Variants in PLCB1 observed in about 807,000 individuals in gnomAD.
PLCB1 encodes 1-phosphatidylinositol 4,5-bisphosphate phosphodiesterase beta-1.
Under a neutral mutation model 161.8 loss-of-function variants are expected in PLCB1, and 46 were observed. The ratio of observed to expected loss-of-function variants is 0.28; its 90% confidence interval spans 0.22 to 0.36. The LOEUF (loss-of-function observed/expected upper bound fraction) is 0.36, where lower values mean the gene tolerates loss of function less well. PLCB1 is among the 10% of genes least tolerant of loss of function. The pLI, the probability that PLCB1 is intolerant of heterozygous loss-of-function variation, is 1.00. For synonymous variants in PLCB1, 517 were observed against 503.7 expected (o/e 1.03, Z -0.35); for missense variants, 1,016 against 1,472.5 (o/e 0.69, Z 5.07).
chr20:8,197,059 T>A (rs980383252), intron 2 of PLCB1, among the ~76,000 whole-genome samples: 28 of 152,138 alleles, frequency 1.8e-4, no homozygotes, highest in African/African-American at 3.6e-4. Context: ...TTCTTAATCC[T>A]GTCTATCATT....
intron 3 of PLCB1, among the ~76,000 whole-genome samples, chr20:8,617,864 A>G (rs968349142): frequency 6.6e-6 from 1 of 152,206 alleles, no homozygotes; most frequent in Non-Finnish European, 1.5e-5. Context: ...TTAATCCCAT[A>G]TCATATACTG....
At chr20:8,667,873 C>A (rs1989851457) in intron 9 of PLCB1, among the ~76,000 whole-genome samples, 1 of 152,042 alleles carries the variant, frequency 6.6e-6, no homozygotes, top group African/African-American at 2.4e-5. Context: ...CTTCTTTCCC[C>A]CTAGATGTGA....
chr20:8,727,279 C>CT, intron 16 of PLCB1, 30 bp from the exon 17 acceptor site: 4 of 1,116,990 alleles, frequency 3.6e-6, no homozygotes, highest in Admixed American at 1.9e-5. Context: ...CTCACCTTCC[C>CT]CTTTTTTGTT....
At chr20:8,547,365 A>G (rs1985591919) in intron 3 of PLCB1, among the ~76,000 whole-genome samples, 1 of 152,186 alleles carries the variant, frequency 6.6e-6, no homozygotes. Context: ...TGGATCAGAT[A>G]GTTATTCCTC....
intron 3 of PLCB1, among the ~76,000 whole-genome samples, chr20:8,618,641 T>C (rs8126112): frequency 0.094 from 14,254 of 152,232 alleles, 792 homozygotes; most frequent in Middle Eastern, 0.14. Flanking sequence ...GTCTTAGAGA[T>C]GACAACTTTG....
At position 8,884,446 on chromosome 20, in the gene PLCB1, G is replaced by C. The variant is rs545984609; in HGVS notation, c.*2597G>C. 6.6e-6 allele frequency: 1 copy of C among 152,644 alleles called. No individual in the cohort carries two copies. The highest frequency in any genetic ancestry group is 2.4e-5 in the African/African-American group (1 of 41,534). 9.5% of individuals were successfully genotyped at this position (152,644 alleles called of 1,614,324 possible). Reference sequence around the variant, plus strand: ...TGATACCTTTACACTACTGAGAATAGCATGGTTTTGGCCATGTAAACCAAT... The same window carrying C: ...TGATACCTTTACACTACTGAGAATACCATGGTTTTGGCCATGTAAACCAAT... On this transcript the variant is annotated 3_prime_UTR_variant, in exon 32 of 32. Coordinates refer to ENST00000338037, the MANE Select transcript of PLCB1 (RefSeq NM_015192.4).
intron 3 of PLCB1, among the ~76,000 whole-genome samples, chr20:8,604,392 C>T (rs1330095673): frequency 1.3e-5 from 2 of 148,956 alleles, no homozygotes; most frequent in Admixed American, 6.7e-5. Context: ...GCAAATTAAA[C>T]AATTTCCAAT....
Position 8,854,213 on chromosome 20 carries a change from A to T in PLCB1, c.3424-27409A>T, listed in dbSNP as rs541416428. Among the ~76,000 whole-genome samples, 5 of 152,254 alleles carry T rather than the reference A, an allele frequency of 3.3e-5. No homozygotes were observed. In the South Asian group the frequency reaches 1.0e-3, roughly 32 times the overall value. ...TCAATTGCACAGTCCTCAGTTGCTG[A>T]AACTACCACCCAACAGGGTGGGACT... On this transcript the variant is annotated intron_variant, in intron 31 of 31. Transcript: ENST00000338037.
chr20:8,380,753 G>T (rs1003944747), intron 3 of PLCB1, among the ~76,000 whole-genome samples: 1 of 152,024 alleles, frequency 6.6e-6, no homozygotes, highest in Non-Finnish European at 1.5e-5. Flanking sequence ...CTTGTCTATT[G>T]TTGGTGTAAA....
chr20:8,876,303 A>G (rs1478621326), intron 31 of PLCB1, among the ~76,000 whole-genome samples: 7 of 152,178 alleles, frequency 4.6e-5, no homozygotes, highest in Non-Finnish European at 8.8e-5. Flanking sequence ...TTCATTTTCC[A>G]AAAAGAGGTC....
chr20:8,514,805 T>C (rs1451618116), intron 3 of PLCB1, among the ~76,000 whole-genome samples: 1 of 152,206 alleles, frequency 6.6e-6, no homozygotes, highest in Non-Finnish European at 1.5e-5. Flanking sequence ...TTTTGGTTCA[T>C]GTAAAGTAAT....
chr20:8,288,969 C>T (rs776743348), intron 2 of PLCB1, among the ~76,000 whole-genome samples: 10 of 152,022 alleles, frequency 6.6e-5, no homozygotes, highest in Non-Finnish European at 1.0e-4. Flanking sequence ...TAAACAAGTG[C>T]CAGGCACATA....
intron 31 of PLCB1, among the ~76,000 whole-genome samples, chr20:8,835,795 C>G (rs1220107372): frequency 7.4e-6 from 1 of 134,334 alleles, no homozygotes; most frequent in Non-Finnish European, 1.7e-5. Context: ...CTTAAAATGA[C>G]TGACAAGGCA....
chr20:8,763,839 C>G (rs1391766198), intron 25 of PLCB1, among the ~76,000 whole-genome samples: 1 of 151,950 alleles, frequency 6.6e-6, no homozygotes, highest in Admixed American at 6.6e-5. Context: ...TAAGGTCAGA[C>G]TCTATCACAT....
intron 31 of PLCB1, among the ~76,000 whole-genome samples, chr20:8,818,750 G>C (rs926046546): frequency 1.3e-5 from 2 of 151,968 alleles, no homozygotes; most frequent in African/African-American, 4.8e-5. Context: ...AATAAGTTCT[G>C]GCCAACATGG....
intron 3 of PLCB1, among the ~76,000 whole-genome samples, chr20:8,564,597 G>A (rs1204230252): frequency 1.3e-5 from 2 of 151,996 alleles, no homozygotes; most frequent in African/African-American, 4.8e-5. Context: ...CTGACAAAGG[G>A]CTAATATTCA....
At chr20:8,228,259 G>A (rs1979810177) in intron 2 of PLCB1, among the ~76,000 whole-genome samples, 1 of 152,058 alleles carries the variant, frequency 6.6e-6, no homozygotes, top group South Asian at 2.1e-4. Context: ...AGGATGTTTG[G>A]TTAAATGGCC....
At chr20:8,136,095 G>A (rs73895516) in intron 1 of PLCB1, among the ~76,000 whole-genome samples, 4,610 of 152,214 alleles carry the variant, frequency 0.03, 257 homozygotes, top group African/African-American at 0.11. Context: ...CAACCTCTGA[G>A]GGATGGAAGG....
chr20:8,459,362 G>A (rs1246099431), intron 3 of PLCB1, among the ~76,000 whole-genome samples: 1 of 152,166 alleles, frequency 6.6e-6, no homozygotes, highest in Non-Finnish European at 1.5e-5. Context: ...AATTATTGAA[G>A]TTGAATGCTT....
Sources: allele counts gnomAD v4.1 joint callset (sites outside exome capture counted in the v4.1 genomes callset), GRCh38; gene constraint gnomAD v4.1.1; transcripts MANE v1.5; gene names NCBI Gene and HGNC (gene_info 2026-07-23, HGNC 2026-07-21).